FAM81A: variants seen among roughly 807,000 people sequenced by gnomAD.
FAM81A encodes protein FAM81A.
Under a neutral mutation model 46.7 loss-of-function variants are expected in FAM81A, and 19 were observed. The ratio of observed to expected loss-of-function variants is 0.41; its 90% CI spans 0.28 to 0.60. FAM81A has a LOEUF of 0.60. FAM81A is among the 20% of genes least tolerant of loss of function. The pLI, the probability that FAM81A is intolerant of heterozygous loss-of-function variation, is 0.34. For missense variants in FAM81A, 377 were observed against 453.5 expected, an observed-to-expected ratio of 0.83 and a Z score of 1.53; for synonymous variants, 183 against 152.9, an observed-to-expected ratio of 1.20 and a Z score of -1.45.
chr15:59,521,380 G>A lies in FAM81A; in HGVS notation c.*2G>A. 1.2e-6 allele frequency: 2 copies of A among 1,605,116 alleles called. No homozygotes were observed. The highest frequency in any genetic ancestry group is 1.7e-6 in the Non-Finnish European group (2 of 1,175,472). On this transcript the variant is annotated 3_prime_UTR_variant, in exon 9 of 9. Transcript: ENST00000288228. ...CAGAAGCCAGAGACCCCCATGTGAA[G>A]GGAGCTGGGACAAGGTCCTAAAAGA...
chr15:59,408,573 A>G (rs568782721), intron 2 of FAM81A, among the ~76,000 whole-genome samples: 1 of 152,348 alleles, frequency 6.6e-6, no homozygotes, highest in Non-Finnish European at 1.5e-5. Flanking sequence ...TCACGCCTGT[A>G]ATCCCAGCAA....
At chr15:59,503,604 A>G (rs1431525410) in intron 4 of FAM81A, among the ~76,000 whole-genome samples, 2 of 151,286 alleles carry the variant, frequency 1.3e-5, no homozygotes, top group African/African-American at 4.9e-5. Flanking sequence ...ACAGAGTCTC[A>G]CTGTGTCACC....
intron 2 of FAM81A, among the ~76,000 whole-genome samples, chr15:59,431,355 C>G (rs1447366157): frequency 6.6e-6 from 1 of 152,080 alleles, no homozygotes; most frequent in East Asian, 1.9e-4. Flanking sequence ...CTGCCTCAGC[C>G]TCCTGAGTAG....
chr15:59,466,899 G>A (rs1389362184), intron 3 of FAM81A, among the ~76,000 whole-genome samples: 1 of 152,110 alleles, frequency 6.6e-6, no homozygotes, highest in Non-Finnish European at 1.5e-5. Flanking sequence ...TGTAAGGAAG[G>A]GATCCAGTTT....
In FAM81A at chr15:59,521,432, G is replaced by A. The variant is rs1194977808; in HGVS notation, c.*54G>A. On this transcript the variant is annotated 3_prime_UTR_variant, in exon 9 of 9. Coordinates refer to ENST00000288228, the MANE Select transcript of FAM81A (RefSeq NM_152450.3). ...AGTTTTGCCAGTGGGGCTAGGAGCC[G>A]GATACCTCTGTAGCCAGGCCATCGC... The A allele has an allele frequency of 1.9e-6, 3 of 1,540,074 alleles. No homozygotes were observed. The highest frequency in any genetic ancestry group is 2.6e-6 in the Non-Finnish European group (3 of 1,141,140).
rs190195764 is a variant in FAM81A at position 59,402,744 on chromosome 15, G to A, written c.-78+386G>A. Among the ~76,000 whole-genome samples the A allele has an allele frequency of 3.7e-3, 560 of 151,684 alleles. 4 individuals carry two copies. Among genetic ancestry groups the A allele is most frequent in the Admixed American group, 5.5e-3 (84 of 15,236 alleles). On this transcript the variant is annotated intron_variant, in intron 2 of 4. Coordinates refer to the FAM81A transcript ENST00000558348. The stretch of plus-strand genomic sequence containing the variant: ...GTGGGGGGGATATTTAGTAGAGATG[G>A]GGTTTCACCATGTTAGCCAGGCTGG...
upstream of FAM81A, chr15:59,438,139 G>A (rs2081256512): frequency 6.8e-6 from 1 of 146,392 alleles, no homozygotes; most frequent in South Asian, 2.1e-4. Context: ...GCCGGGCCAG[G>A]CGGCAGGCGC....
At chr15:59,514,811 C>T (rs2141837806) in intron 7 of FAM81A, among the ~76,000 whole-genome samples, 1 of 152,314 alleles carries the variant, frequency 6.6e-6, no homozygotes, top group South Asian at 2.1e-4. Context: ...CTCCAGATCA[C>T]ACCATTCTAC....
At chr15:59,498,569 G>A (rs1181052883) in intron 4 of FAM81A, among the ~76,000 whole-genome samples, 1 of 152,166 alleles carries the variant, frequency 6.6e-6, no homozygotes, top group African/African-American at 2.4e-5. Flanking sequence ...GAATAAATGT[G>A]GTGAGAGCAG....
At chr15:59,514,053 C>T (rs2082241092) in intron 6 of FAM81A, among the ~76,000 whole-genome samples, 1 of 151,498 alleles carries the variant, frequency 6.6e-6, no homozygotes, top group African/African-American at 2.4e-5. Flanking sequence ...AGGGAGGGGA[C>T]CAACACATAC....
intron 3 of FAM81A, among the ~76,000 whole-genome samples, chr15:59,490,988 T>C (rs1365738306): frequency 9.9e-5 from 15 of 152,240 alleles, no homozygotes; most frequent in African/African-American, 2.9e-4. Context: ...GTACAACCAC[T>C]GTGGAGAACA....
At chr15:59,410,114 C>A (rs1232255286) in intron 2 of FAM81A, among the ~76,000 whole-genome samples, 1 of 152,108 alleles carries the variant, frequency 6.6e-6, no homozygotes, top group African/African-American at 2.4e-5. Context: ...ACCTGGCCAA[C>A]ATGGTGAAAT....
intron 4 of FAM81A, among the ~76,000 whole-genome samples, chr15:59,500,363 T>A (rs557916517): frequency 5.3e-5 from 8 of 152,186 alleles, no homozygotes; most frequent in African/African-American, 1.9e-4. Flanking sequence ...AGTGGCAAGA[T>A]CATGGCTCAT....
At chr15:59,413,958 T>G (rs912409395) in intron 2 of FAM81A, among the ~76,000 whole-genome samples, 12 of 152,048 alleles carry the variant, frequency 7.9e-5, no homozygotes, top group Non-Finnish European at 1.5e-4. Flanking sequence ...ATTCTAATTC[T>G]TTTTCTTTTT....
At chr15:59,479,677 G>A (rs2081824631) in intron 3 of FAM81A, among the ~76,000 whole-genome samples, 1 of 152,000 alleles carries the variant, frequency 6.6e-6, no homozygotes, top group Non-Finnish European at 1.5e-5. Context: ...CAAGTTCCAA[G>A]GCCATAAGTA....
At position 59,516,323 on chromosome 15, in the gene FAM81A, T is replaced by C. The variant is rs536148479; in HGVS notation, c.787-322T>C. 2.8e-3 allele frequency among the ~76,000 whole-genome samples: 431 copies of C among 152,220 alleles called. 4 individuals carry two copies. The highest frequency in any genetic ancestry group is 0.01 in the African/African-American group (421 of 41,532). On this transcript the variant is annotated intron_variant, in intron 7 of 8. Transcript: ENST00000288228. The stretch of plus-strand genomic sequence containing the variant: ...TTTTGTATTTTTAATAAAGACAGGG[T>C]TTCACCATGTTGGCCAGGCTTGTCT...
intron 1 of FAM81A, among the ~76,000 whole-genome samples, chr15:59,438,854 G>A (rs941285361): frequency 6.6e-6 from 1 of 152,148 alleles, no homozygotes; most frequent in East Asian, 1.9e-4. Flanking sequence ...AAATGTTATC[G>A]TTGTCTGGAA....
chr15:59,441,834 C>G (rs1490227935), intron 1 of FAM81A, among the ~76,000 whole-genome samples: 1 of 152,216 alleles, frequency 6.6e-6, no homozygotes, highest in Non-Finnish European at 1.5e-5. Flanking sequence ...TGTCCTTGGT[C>G]TTTCCTTTCC....
chr15:59,424,434 T>C (rs1357353244), intron 2 of FAM81A, among the ~76,000 whole-genome samples: 5 of 152,196 alleles, frequency 3.3e-5, no homozygotes, highest in African/African-American at 1.2e-4. Flanking sequence ...GGGCTTTATG[T>C]ATCTCCTGTA....
Sources: gnomAD v4.1 joint callset for allele counts (sites outside exome capture counted in the v4.1 genomes callset) on GRCh38, gnomAD v4.1.1 for gene constraint, MANE v1.5 for transcripts, NCBI Gene and HGNC (gene_info 2026-07-23, HGNC 2026-07-21) for gene names.